Variants in RAD51B observed in about 807,000 individuals in gnomAD.
The protein encoded by RAD51B is RAD51 paralog B.
A neutral mutation model predicts 42.2 loss-of-function variants in RAD51B; 38 were observed. That is an observed-to-expected ratio of 0.90 (90% CI 0.70 to 1.18). The LOEUF is 1.18. Among genes scored for constraint, RAD51B ranks in the 50% most tolerant of loss-of-function variants. The pLI, the probability that RAD51B is intolerant of heterozygous loss-of-function variation, is 0.00. For synonymous variants in RAD51B, 154 were observed against 145.2 expected (o/e 1.06, Z -0.43); for missense variants, 373 against 400.7 (o/e 0.93, Z 0.59).
intron 7 of RAD51B, among the ~76,000 whole-genome samples, chr14:68,204,453 C>T (rs1413800744): frequency 6.6e-6 from 1 of 152,106 alleles, no homozygotes; most frequent in Non-Finnish European, 1.5e-5. Flanking sequence ...TCACAGGTCA[C>T]CATAATAACA....
chr14:68,021,421 T>C (rs556703497), intron 7 of RAD51B, among the ~76,000 whole-genome samples: 1 of 152,238 alleles, frequency 6.6e-6, no homozygotes, highest in Non-Finnish European at 1.5e-5. Flanking sequence ...ACAGCCAGAA[T>C]GTTTGTCATT....
intron 7 of RAD51B, among the ~76,000 whole-genome samples, chr14:68,202,395 T>C (rs1453506481): frequency 6.6e-6 from 1 of 152,142 alleles, no homozygotes; most frequent in Non-Finnish European, 1.5e-5. Context: ...ACTTAACCCA[T>C]AGTAGAACTT....
chr14:67,828,128 A>G (rs2040896754), intron 3 of RAD51B, among the ~76,000 whole-genome samples: 1 of 152,158 alleles, frequency 6.6e-6, no homozygotes, highest in Non-Finnish European at 1.5e-5. Context: ...CATTCCTATT[A>G]GTCTGCAACC....
intron 7 of RAD51B, among the ~76,000 whole-genome samples, chr14:68,275,126 A>G (rs1214141703): frequency 1.3e-5 from 2 of 152,148 alleles, no homozygotes; most frequent in Non-Finnish European, 2.9e-5. Flanking sequence ...AATGAGACAT[A>G]TATTCTGTCC....
At chr14:68,274,877 A>C (rs2081189714) in intron 7 of RAD51B, among the ~76,000 whole-genome samples, 2 of 152,084 alleles carry the variant, frequency 1.3e-5, no homozygotes, top group African/African-American at 4.8e-5. Flanking sequence ...TAGGGTTTAG[A>C]GGGTTTTGTT....
intron 9 of RAD51B, among the ~76,000 whole-genome samples, chr14:68,464,578 T>C (rs868263073): frequency 2.0e-5 from 3 of 152,236 alleles, no homozygotes; most frequent in Non-Finnish European, 4.4e-5. Context: ...TACATTCTAC[T>C]AGAGGTTGCT....
intron 7 of RAD51B, among the ~76,000 whole-genome samples, chr14:67,940,043 TATATATATA>T (rs2045120111): frequency 6.6e-5 from 1 of 15,048 alleles, no homozygotes; most frequent in Non-Finnish European, 2.0e-4. Context: ...TATATATATA[TATATATATA>T]TATTTTTTTT....
chr14:68,097,356 G>T (rs950864970), intron 7 of RAD51B, among the ~76,000 whole-genome samples: 8 of 152,002 alleles, frequency 5.3e-5, no homozygotes, highest in African/African-American at 1.7e-4. Flanking sequence ...ATGCCATGTA[G>T]AAGTTTTTGA....
chr14:67,908,516 T>C (rs2043855894), intron 7 of RAD51B: 1 of 152,120 alleles, frequency 6.6e-6, no homozygotes, highest in Non-Finnish European at 1.5e-5. Flanking sequence ...TGTTTTTTTT[T>C]TTTTAACTGA....
At chr14:67,914,173 A>G (rs1198130762) in intron 7 of RAD51B, among the ~76,000 whole-genome samples, 1 of 151,968 alleles carries the variant, frequency 6.6e-6, no homozygotes, top group Admixed American at 6.6e-5. Context: ...AGTAAAGACG[A>G]GGTTTCACCA....
In RAD51B at chr14:67,933,000, C is replaced by G. The variant is rs375252643; in HGVS notation, c.756+45796C>G. 2.6e-5 allele frequency among the ~76,000 whole-genome samples: 4 copies of G among 152,118 alleles called. No homozygotes were observed. In the East Asian group the frequency reaches 7.7e-4, roughly 29 times the overall value. On this transcript the variant is annotated intron_variant, in intron 7 of 10. Coordinates refer to ENST00000471583, the MANE Select transcript of RAD51B (RefSeq NM_133510.4). ...TATGTGTAAACCTGAGCACAGAGACCACTCCATTGGTGCAGGCAGGGTCAC... is the reference window on the plus strand; with the variant it reads ...TATGTGTAAACCTGAGCACAGAGACGACTCCATTGGTGCAGGCAGGGTCAC...
At chr14:68,330,432 C>T (rs1237089127) in intron 8 of RAD51B, among the ~76,000 whole-genome samples, 1 of 152,114 alleles carries the variant, frequency 6.6e-6, no homozygotes, top group Non-Finnish European at 1.5e-5. Flanking sequence ...TTTTTTCAAG[C>T]AAATAGGATT....
intron 7 of RAD51B, among the ~76,000 whole-genome samples, chr14:68,147,804 TA>T (rs11398164): frequency 0.026 from 3,831 of 145,170 alleles, 166 homozygotes; most frequent in African/African-American, 0.086. Context: ...CAAGGGAAAT[TA>T]AAAAAAAAAA....
chr14:68,190,769 C>T (rs998866864), intron 7 of RAD51B, among the ~76,000 whole-genome samples: 1 of 152,122 alleles, frequency 6.6e-6, no homozygotes, highest in Non-Finnish European at 1.5e-5. Context: ...CTTAATTTAA[C>T]AAGTGTCCAT....
At chr14:68,425,927 G>A (rs1333484849) in intron 9 of RAD51B, among the ~76,000 whole-genome samples, 3 of 105,964 alleles carry the variant, frequency 2.8e-5, no homozygotes, top group Non-Finnish European at 6.1e-5. Context: ...AGACAGTAAA[G>A]GCCATTCTTT....
At chr14:68,456,447 A>G (rs913832559) in intron 9 of RAD51B, among the ~76,000 whole-genome samples, 1 of 152,234 alleles carries the variant, frequency 6.6e-6, no homozygotes, top group Non-Finnish European at 1.5e-5. Context: ...CTACTATCAG[A>G]CAGATTAGAC....
At chr14:68,576,622 C>A (rs1211653058) in intron 10 of RAD51B, among the ~76,000 whole-genome samples, 3 of 152,142 alleles carry the variant, frequency 2.0e-5, no homozygotes, top group Non-Finnish European at 4.4e-5. Context: ...AGGGATGGAC[C>A]CAGGCCTTGG....
At chr14:68,187,771 T>G (rs2079186132) in intron 7 of RAD51B, among the ~76,000 whole-genome samples, 1 of 152,148 alleles carries the variant, frequency 6.6e-6, no homozygotes, top group Non-Finnish European at 1.5e-5. Flanking sequence ...GTTTTGCATC[T>G]TTTTCTCTTA....
chr14:68,677,532 G>A (rs751814654), intron 11 of RAD51B, among the ~76,000 whole-genome samples: 6 of 152,050 alleles, frequency 3.9e-5, no homozygotes, highest in South Asian at 2.1e-4. Flanking sequence ...CACCTCACCC[G>A]TTTGCCCTTT....
Sources: allele counts gnomAD v4.1 joint callset (sites outside exome capture counted in the v4.1 genomes callset), GRCh38; gene constraint gnomAD v4.1.1; transcripts MANE v1.5; gene names NCBI Gene and HGNC (gene_info 2026-07-23, HGNC 2026-07-21).